The following DNM2 variants were observed in gnomAD, a reference collection of about 807,000 sequenced individuals.
DNM2 encodes the protein dynamin 2.
DNM2 carries 15 observed loss-of-function variants against 99.0 expected under a neutral mutation model. The ratio of observed to expected loss-of-function variants is 0.15; its 90% CI spans 0.10 to 0.23. The LOEUF is 0.23. DNM2 is among the 10% of genes least tolerant of loss of function. DNM2 has a pLI of 1.00. For missense variants in DNM2, 742 were observed against 1,189.4 expected (o/e 0.62, Z 5.53); for synonymous variants, 525 against 481.2 (o/e 1.09, Z -1.19).
In DNM2 at chr19:10,812,065, C is replaced by G. The variant is rs977585377; in HGVS notation, c.1558-199C>G. On this transcript the variant is annotated intron_variant, in intron 14 of 20. Transcript: ENST00000389253. The surrounding 1 kb of genome is among the most constrained non-coding windows in gnomAD (Gnocchi z 4.0). ...CCAGTGAGTCTGTCTGTCCGCCCACCTGCCCAGGTGGCGCCTCATGTTGGT... is the reference window on the plus strand; with the variant it reads ...CCAGTGAGTCTGTCTGTCCGCCCACGTGCCCAGGTGGCGCCTCATGTTGGT... 6 of 551,986 alleles carry G rather than the reference C, an allele frequency of 1.1e-5. No individual in the cohort carries two copies. Among genetic ancestry groups the G allele is most frequent in the African/African-American group, 9.4e-5 (5 of 53,020 alleles). The allele number at this position is 551,986 out of a possible 1,614,324, so 34.2% of individuals were successfully genotyped here.
chr19:10,760,043 CT>C (rs113004875), intron 2 of DNM2, among the ~76,000 whole-genome samples: 1 of 151,680 alleles, frequency 6.6e-6, no homozygotes, highest in African/African-American at 2.4e-5. Context: ...TTTCTTTTTT[CT>C]TTTTTTTGAG....
At chr19:10,760,743 C>T (rs902517307) in intron 2 of DNM2, among the ~76,000 whole-genome samples, 3 of 150,626 alleles carry the variant, frequency 2.0e-5, no homozygotes, top group African/African-American at 4.9e-5. Flanking sequence ...ACTGCGGCCT[C>T]GACCTCCTGG....
At chr19:10,749,806 G>A (rs1445793427) in intron 1 of DNM2, among the ~76,000 whole-genome samples, 1 of 152,246 alleles carries the variant, frequency 6.6e-6, no homozygotes, top group Non-Finnish European at 1.5e-5. Flanking sequence ...CTTCATCAGA[G>A]GCCGTTTTGC....
chr19:10,779,497 TC>T lies in DNM2; in HGVS notation c.688+2282del, dbSNP rs1260424299. ...TTTTTTCTTTCTTTCTTTCTTTCTT[TC>T]TTTCTTTTTTTTTTTTTTTTTTTTT... On this transcript the variant is annotated intron_variant, in intron 5 of 20. Transcript: ENST00000389253. Among the ~76,000 whole-genome samples, 316 of 117,272 alleles carry T rather than the reference TC, an allele frequency of 2.7e-3. 3 individuals are homozygous for T. Among genetic ancestry groups the T allele is most frequent in the Middle Eastern group, 3.9e-3 (1 of 256 alleles). The allele number at this position is 117,272 out of a possible 152,430, so 76.9% of individuals were successfully genotyped here. A position where few individuals can be genotyped will look rare whatever the true frequency, so the allele number is the denominator to read the frequency against.
chr19:10,741,244 T>G (rs2069735243), intron 1 of DNM2, among the ~76,000 whole-genome samples: 1 of 152,186 alleles, frequency 6.6e-6, no homozygotes, highest in South Asian at 2.1e-4. Context: ...TTTCTTTTCT[T>G]TTTGGAGACA....
chr19:10,799,720 G>C (rs1374403101), intron 11 of DNM2, among the ~76,000 whole-genome samples: 2 of 152,048 alleles, frequency 1.3e-5, no homozygotes, highest in Non-Finnish European at 2.9e-5. Context: ...TTTTAGTAGA[G>C]AGAGATTTTC....
intron 18 of DNM2, 73 bp downstream of exon 18, chr19:10,825,294 G>A: frequency 6.3e-7 from 1 of 1,591,950 alleles, no homozygotes; most frequent in Non-Finnish European, 8.6e-7. Flanking sequence ...CAGCACTTTG[G>A]GAGGCCAAGG....
At chr19:10,777,344 C>G (rs1353557812) in intron 5 of DNM2, 128 bp downstream of exon 5, 28 of 884,758 alleles carry the variant, frequency 3.2e-5, no homozygotes, top group Non-Finnish European at 5.1e-5. Flanking sequence ...CTCCTTCTTT[C>G]TTTTCCCTTT....
Position 10,725,929 on chromosome 19 carries a change from A to C in DNM2, c.161+7526A>C, listed in dbSNP as rs141141050. ...CCACCACACCTGGCTAATTACAAAA[A>C]AATTTTTTTGGCAGGGAGCGATGGC... On this transcript the variant is annotated intron_variant, in intron 1 of 20. Coordinates refer to ENST00000389253, the MANE Select transcript of DNM2 (RefSeq NM_001005361.3). Among the ~76,000 whole-genome samples, 10 of 152,084 alleles carry C rather than the reference A, an allele frequency of 6.6e-5. No homozygotes were observed. The East Asian group carries it at 1.5e-3, about 24-fold the overall frequency.
At chr19:10,791,278 T>C (rs2071743882) in intron 7 of DNM2, among the ~76,000 whole-genome samples, 1 of 151,858 alleles carries the variant, frequency 6.6e-6, no homozygotes, top group Non-Finnish European at 1.5e-5. Context: ...TTCTAGAGAC[T>C]GGATCTCACT....
intron 5 of DNM2, among the ~76,000 whole-genome samples, chr19:10,780,915 G>T (rs1422061701): frequency 3.3e-5 from 5 of 151,790 alleles, no homozygotes; most frequent in Non-Finnish European, 7.4e-5. Context: ...CTACTCGAGA[G>T]GCTGAGACAT....
chr19:10,724,459 G>T (rs546144364), intron 1 of DNM2, among the ~76,000 whole-genome samples: 1 of 152,234 alleles, frequency 6.6e-6, no homozygotes, highest in African/African-American at 2.4e-5. Flanking sequence ...TAACAGGCGT[G>T]AGCCACTGCG....
At position 10,796,325 on chromosome 19, in the gene DNM2, G is replaced by T; in HGVS notation, c.1196+886G>T. On this transcript the variant is annotated intron_variant, in intron 9 of 20. Coordinates refer to ENST00000389253, the MANE Select transcript of DNM2 (RefSeq NM_001005361.3). The surrounding 1 kb of genome is among the most constrained non-coding windows in gnomAD (Gnocchi z 5.6). ...TTTCTCCCCATATCGCTTTGTGTCC[G>T]TGAACTTGGCCTCTCCCCAGAGGCT... The T allele has an allele frequency of 6.9e-7, 1 of 1,446,910 alleles. No individual in the cohort carries two copies. The highest frequency in any genetic ancestry group is 9.6e-7 in the Non-Finnish European group (1 of 1,044,796). 89.6% of individuals were successfully genotyped at this position (1,446,910 alleles called of 1,614,324 possible). A position where few individuals can be genotyped will look rare whatever the true frequency, so the allele number is the denominator to read the frequency against.
chr19:10,779,143 A>G (rs1296046536), intron 5 of DNM2, among the ~76,000 whole-genome samples: 1 of 150,004 alleles, frequency 6.7e-6, no homozygotes, highest in Non-Finnish European at 1.5e-5. Flanking sequence ...TGAACCCAGG[A>G]GGTGGAGGTT....
chr19:10,755,962 C>T (rs1190837216), intron 1 of DNM2, among the ~76,000 whole-genome samples: 1 of 152,212 alleles, frequency 6.6e-6, no homozygotes, highest in Non-Finnish European at 1.5e-5. Context: ...CTGTGCCTGA[C>T]CTGAGACACT....
chr19:10,736,829 C>T (rs2145739576), intron 1 of DNM2, among the ~76,000 whole-genome samples: 1 of 152,256 alleles, frequency 6.6e-6, no homozygotes, highest in Middle Eastern at 3.4e-3. Context: ...GTTCTCCCTG[C>T]AGTGGACAGA....
intron 7 of DNM2, among the ~76,000 whole-genome samples, chr19:10,790,771 A>G (rs896074614): frequency 6.6e-6 from 1 of 151,876 alleles, no homozygotes; most frequent in African/African-American, 2.4e-5. Flanking sequence ...CCCGGACCTC[A>G]TGTATTTGTT....
In DNM2 at chr19:10,775,134, T is replaced by G. The variant is rs1040564626; in HGVS notation, c.386-569T>G. On this transcript the variant is annotated intron_variant, in intron 3 of 20. Coordinates refer to ENST00000389253, the MANE Select transcript of DNM2 (RefSeq NM_001005361.3). This position sits in a 1 kb window ranked among gnomAD's most constrained non-coding sequence, Gnocchi z 4.3. ...TCTTGCTCTGTCGCCCAGGCTGGAG[T>G]GCAGTGGTATGATCTCAGCTCACTG... is the stretch of plus-strand genomic sequence containing the variant. 6.6e-6 allele frequency among the ~76,000 whole-genome samples: 1 copy of G among 151,914 alleles called. No homozygotes were observed. The highest frequency in any genetic ancestry group is 1.5e-5 in the Non-Finnish European group (1 of 67,990).
At chr19:10,757,624 A>G (rs2070438092) in intron 1 of DNM2, among the ~76,000 whole-genome samples, 1 of 152,116 alleles carries the variant, frequency 6.6e-6, no homozygotes, top group African/African-American at 2.4e-5. Context: ...CAACGATCCA[A>G]ACATCTAGGT....
Sources: gnomAD v4.1 joint callset for allele counts (sites outside exome capture counted in the v4.1 genomes callset) on GRCh38, gnomAD v4.1.1 for gene constraint, Gnocchi (gnomAD v3.1) non-coding constraint, MANE v1.5 for transcripts, NCBI Gene and HGNC (gene_info 2026-07-23, HGNC 2026-07-21) for gene names.